Variants in PHACTR1 observed in about 807,000 individuals in gnomAD.
PHACTR1 encodes RPEL repeat containing 1.
PHACTR1 carries 16 observed loss-of-function variants against 69.2 expected under a neutral mutation model. That is an observed-to-expected ratio of 0.23 (90% confidence interval 0.16 to 0.35). The LOEUF (loss-of-function observed/expected upper bound fraction) is 0.35, where lower values mean the gene tolerates loss of function less well. Among genes scored for constraint, PHACTR1 ranks in the 10% least tolerant of loss-of-function variants. PHACTR1 has a pLI of 1.00. For missense variants in PHACTR1, 510 were observed against 734.7 expected (o/e 0.69, Z 3.54); for synonymous variants, 312 against 284.5 (o/e 1.10, Z -0.97).
intron 3 of PHACTR1, among the ~76,000 whole-genome samples, chr6:12,746,220 A>G (rs1409817670): frequency 6.6e-6 from 1 of 152,222 alleles, no homozygotes; most frequent in Non-Finnish European, 1.5e-5. Context: ...GAAGATAACA[A>G]TTAGAAATAA....
intron 5 of PHACTR1, among the ~76,000 whole-genome samples, chr6:13,112,876 A>G (rs942372360): frequency 6.6e-6 from 1 of 152,114 alleles, no homozygotes; most frequent in Non-Finnish European, 1.5e-5. Context: ...TCTTAAGTAT[A>G]ATTAGATCCC....
intron 10 of PHACTR1, among the ~76,000 whole-genome samples, chr6:13,253,384 C>T (rs973536651): frequency 2.6e-5 from 4 of 152,174 alleles, no homozygotes; most frequent in African/African-American, 7.2e-5. Context: ...TTGGAGAAAT[C>T]TAGAACCATG....
intron 5 of PHACTR1, among the ~76,000 whole-genome samples, chr6:13,133,176 C>A (rs1211148212): frequency 6.9e-6 from 1 of 145,480 alleles, no homozygotes; most frequent in Non-Finnish European, 1.5e-5. Context: ...AAGGTTATTT[C>A]GTCTCCATTG....
intron 10 of PHACTR1, chr6:13,272,630 G>A: frequency 7.3e-7 from 1 of 1,367,736 alleles, no homozygotes; most frequent in Non-Finnish European, 9.6e-7. Flanking sequence ...AGGGGCCGCT[G>A]CAGGGAGGAG....
intron 4 of PHACTR1, among the ~76,000 whole-genome samples, chr6:12,835,882 G>A (rs774061863): frequency 2.0e-5 from 3 of 152,094 alleles, no homozygotes; most frequent in Non-Finnish European, 2.9e-5. Context: ...AAAGATAACT[G>A]CAAATGAAAT....
chr6:13,041,012 A>T (rs991340995), intron 4 of PHACTR1, among the ~76,000 whole-genome samples: 3 of 152,200 alleles, frequency 2.0e-5, no homozygotes, highest in Non-Finnish European at 4.4e-5. Context: ...ATAATAATTT[A>T]AAAATAAACA....
intron 4 of PHACTR1, among the ~76,000 whole-genome samples, chr6:13,032,893 GC>G: frequency 6.6e-6 from 1 of 152,256 alleles, no homozygotes; most frequent in Middle Eastern, 3.4e-3. Flanking sequence ...GAGCTACTGT[GC>G]CCAGTGATAT....
At chr6:12,915,492 G>A (rs1373512593) in intron 4 of PHACTR1, among the ~76,000 whole-genome samples, 3 of 134,924 alleles carry the variant, frequency 2.2e-5, no homozygotes, top group African/African-American at 8.1e-5. Flanking sequence ...GGGTGATAGA[G>A]TGAAACTCTC....
At chr6:13,129,760 G>A (rs1169513358) in intron 5 of PHACTR1, among the ~76,000 whole-genome samples, 1 of 152,076 alleles carries the variant, frequency 6.6e-6, no homozygotes. Context: ...ACAACAGAAA[G>A]TCAACAAAGA....
At position 13,014,666 on chromosome 6, in the gene PHACTR1, G is replaced by A. The variant is rs555839699; in HGVS notation, c.251-38699G>A. ...CCTGTTTAGAGTAAAACATGGCTGT[G>A]ATTTTTGGAGTGCCGCTGCTGGTCC... On this transcript the variant is annotated intron_variant, in intron 4 of 14. Coordinates refer to ENST00000332995, the MANE Select transcript of PHACTR1 (RefSeq NM_030948.6). Among the ~76,000 whole-genome samples, 426 of 152,178 alleles carry A rather than the reference G, an allele frequency of 2.8e-3. 2 individuals are homozygous for A. The highest frequency in any genetic ancestry group is 3.8e-3 in the Non-Finnish European group (260 of 68,008).
chr6:13,231,074 AG>A (rs1413468974), intron 10 of PHACTR1, among the ~76,000 whole-genome samples: 2 of 6,330 alleles, frequency 3.2e-4, no homozygotes, highest in African/African-American at 1.7e-3. Context: ...GAAGGAAGGA[AG>A]GAAGGAAGGA....
chr6:13,173,390 T>G (rs1385751142), intron 6 of PHACTR1, among the ~76,000 whole-genome samples: 1 of 152,220 alleles, frequency 6.6e-6, no homozygotes. Context: ...TTCTATGCTC[T>G]ACATTTAAAA....
At chr6:13,205,453 C>G (rs914444273) in intron 7 of PHACTR1, among the ~76,000 whole-genome samples, 4 of 152,204 alleles carry the variant, frequency 2.6e-5, no homozygotes, top group Non-Finnish European at 5.9e-5. Context: ...TTGGCGTATC[C>G]TAGCAAAGGT....
intron 4 of PHACTR1, among the ~76,000 whole-genome samples, chr6:12,996,355 G>A (rs1323768931): frequency 6.6e-6 from 1 of 152,052 alleles, no homozygotes; most frequent in Non-Finnish European, 1.5e-5. Context: ...CAAAACAAAA[G>A]AAGGCACAAA....
intron 4 of PHACTR1, among the ~76,000 whole-genome samples, chr6:12,828,513 T>C (rs928149972): frequency 8.5e-5 from 13 of 152,288 alleles, no homozygotes; most frequent in African/African-American, 3.1e-4. Context: ...TTCGTAATAT[T>C]GGGTGACTTG....
chr6:13,015,389 AG>A (rs555190487), intron 4 of PHACTR1, among the ~76,000 whole-genome samples: 9 of 152,336 alleles, frequency 5.9e-5, no homozygotes, highest in African/African-American at 1.9e-4. Flanking sequence ...TATTAGGTGT[AG>A]GGGGGATATA....
At chr6:13,101,072 TATAAC>T (rs1486614836) in intron 5 of PHACTR1, among the ~76,000 whole-genome samples, 2 of 152,226 alleles carry the variant, frequency 1.3e-5, no homozygotes, top group African/African-American at 2.4e-5. Flanking sequence ...TTTGTGTTGT[TATAAC>T]AGAATACCAG....
intron 4 of PHACTR1, among the ~76,000 whole-genome samples, chr6:12,753,016 G>T (rs182365453): frequency 6.6e-6 from 1 of 152,264 alleles, no homozygotes; most frequent in Non-Finnish European, 1.5e-5. Flanking sequence ...CAGTGCAAAA[G>T]AAAATTAAGT....
At chr6:13,278,222 A>G in intron 11 of PHACTR1, 46 bp from the exon 12 acceptor site, 1 of 1,540,960 alleles carries the variant, frequency 6.5e-7, no homozygotes, top group East Asian at 2.4e-5. Flanking sequence ...ACCTGTACAC[A>G]ACACTGTTTA....
Sources: allele counts gnomAD v4.1 joint callset (sites outside exome capture counted in the v4.1 genomes callset), GRCh38; gene constraint gnomAD v4.1.1; transcripts MANE v1.5; gene names NCBI Gene and HGNC (gene_info 2026-07-23, HGNC 2026-07-21).